The following EXT1 variants were observed in gnomAD, a reference collection of about 807,000 sequenced individuals.
EXT1 encodes exostosin glycosyltransferase 1.
EXT1 carries 20 observed loss-of-function variants against 82.5 expected under a neutral mutation model. The ratio of observed to expected loss-of-function variants is 0.24; its 90% CI spans 0.17 to 0.35. EXT1 has a LOEUF of 0.35. Ranked by LOEUF, EXT1 falls within the 10% of genes least tolerant of loss-of-function variation. The pLI is 1.00. For missense variants in EXT1, 757 were observed against 936.5 expected, an observed-to-expected ratio of 0.81 and a Z score of 2.50; for synonymous variants, 348 against 350.8, an observed-to-expected ratio of 0.99 and a Z score of 0.09.
intron 1 of EXT1, among the ~76,000 whole-genome samples, chr8:117,986,841 G>A (rs536860743): frequency 5.3e-5 from 8 of 152,272 alleles, no homozygotes; most frequent in Non-Finnish European, 8.8e-5. Flanking sequence ...TGCTCATGTT[G>A]AGTATAAAAC....
intron 7 of EXT1, 83 bp from the exon 8 acceptor site, chr8:117,813,044 C>A: frequency 9.3e-7 from 1 of 1,075,380 alleles, no homozygotes; most frequent in East Asian, 2.6e-5. Context: ...ACAATTCTCC[C>A]ATCCTCACCT....
At chr8:117,802,736 C>T (rs1310775330) in intron 10 of EXT1, among the ~76,000 whole-genome samples, 2 of 152,090 alleles carry the variant, frequency 1.3e-5, no homozygotes, top group African/African-American at 2.4e-5. Flanking sequence ...TGCTTGAATT[C>T]GAATATTCTC....
chr8:117,947,560 T>TC (rs974743942), intron 1 of EXT1, among the ~76,000 whole-genome samples: 28 of 152,166 alleles, frequency 1.8e-4, no homozygotes, highest in African/African-American at 6.5e-4. Flanking sequence ...CACTTTAGGG[T>TC]CCTTCACAAT....
intron 1 of EXT1, among the ~76,000 whole-genome samples, chr8:117,919,465 C>G (rs1471134716): frequency 6.6e-6 from 1 of 151,688 alleles, no homozygotes; most frequent in Non-Finnish European, 1.5e-5. Context: ...GCAGGAATTA[C>G]AGCCATGAGC....
At chr8:117,868,805 C>T (rs914846824) in intron 1 of EXT1, among the ~76,000 whole-genome samples, 11 of 152,124 alleles carry the variant, frequency 7.2e-5, no homozygotes, top group South Asian at 2.1e-4. Context: ...CACATCCTCA[C>T]GACCAAGGGG....
intron 1 of EXT1, among the ~76,000 whole-genome samples, chr8:117,838,765 G>C (rs1470122732): frequency 6.6e-6 from 1 of 152,030 alleles, no homozygotes; most frequent in Non-Finnish European, 1.5e-5. Flanking sequence ...AGATGGAGCA[G>C]AGAGAAATAT....
In EXT1 at chr8:117,836,999, G is replaced by C. The variant is rs943371740; in HGVS notation, c.1056+109C>G. ...TTGAAAATATTTTCAGATCCTCAAG[G>C]GAAACCACACCTTCTCTTTAGCTAT... On this transcript the variant is annotated intron_variant, in intron 2 of 10. Coordinates refer to ENST00000378204, the MANE Select transcript of EXT1 (RefSeq NM_000127.3). 55 of 805,020 alleles carry C rather than the reference G, an allele frequency of 6.8e-5. No homozygotes were observed. In the African/African-American group the frequency reaches 8.8e-4, roughly 13 times the overall value. 49.9% of individuals were successfully genotyped at this position (805,020 alleles called of 1,614,324 possible).
intron 1 of EXT1, among the ~76,000 whole-genome samples, chr8:117,961,269 A>G (rs1814693957): frequency 6.6e-6 from 1 of 152,112 alleles, no homozygotes; most frequent in South Asian, 2.1e-4. Context: ...CTCAGCCTCC[A>G]GAACAGCTGG....
chr8:118,045,167 G>T (rs1010209101), intron 1 of EXT1, among the ~76,000 whole-genome samples: 2 of 152,146 alleles, frequency 1.3e-5, no homozygotes, highest in Non-Finnish European at 2.9e-5. Flanking sequence ...TCTGAATTCT[G>T]AGTCGAGCCC....
chr8:117,841,976 C>T (rs1812282089), intron 1 of EXT1, among the ~76,000 whole-genome samples: 1 of 152,162 alleles, frequency 6.6e-6, no homozygotes, highest in Non-Finnish European at 1.5e-5. Flanking sequence ...ACATCTGCAT[C>T]ATCTGGGAAC....
At chr8:118,001,211 C>T (rs780901375) in intron 1 of EXT1, among the ~76,000 whole-genome samples, 2 of 152,056 alleles carry the variant, frequency 1.3e-5, no homozygotes, top group South Asian at 2.1e-4. Flanking sequence ...TTTTTTGAGA[C>T]GGTCTCGCTC....
intron 1 of EXT1, among the ~76,000 whole-genome samples, chr8:117,879,076 C>T (rs1367583667): frequency 6.6e-6 from 1 of 152,190 alleles, no homozygotes; most frequent in Non-Finnish European, 1.5e-5. Flanking sequence ...TTGGCCAAAG[C>T]AGATAATACA....
chr8:117,845,573 T>C (rs1034210461), intron 1 of EXT1, among the ~76,000 whole-genome samples: 2 of 150,954 alleles, frequency 1.3e-5, no homozygotes, highest in Non-Finnish European at 2.9e-5. Context: ...AAAAAATAAA[T>C]AAAAGATAGC....
intron 1 of EXT1, among the ~76,000 whole-genome samples, chr8:117,968,545 A>ATTT (rs1814870229): frequency 4.1e-5 from 3 of 73,052 alleles, no homozygotes; most frequent in Non-Finnish European, 4.6e-5. Flanking sequence ...TTATTTATTT[A>ATTT]TTTATTTATT....
intron 1 of EXT1, among the ~76,000 whole-genome samples, chr8:118,070,000 G>T (rs1817059481): frequency 6.6e-6 from 1 of 152,028 alleles, no homozygotes; most frequent in Admixed American, 6.6e-5. Context: ...AAGCAGAAAA[G>T]GTGATTATTT....
intron 1 of EXT1, among the ~76,000 whole-genome samples, chr8:117,962,198 A>C (rs1814713756): frequency 2.0e-5 from 3 of 152,222 alleles, no homozygotes. Flanking sequence ...CAGACTACCC[A>C]GTGGCTATAG....
intron 1 of EXT1, among the ~76,000 whole-genome samples, chr8:118,023,523 G>A (rs746794618): frequency 1.3e-5 from 2 of 152,132 alleles, no homozygotes; most frequent in Admixed American, 6.5e-5. Context: ...AATATAAACT[G>A]ACAGCCTTCC....
At chr8:117,895,087 G>A (rs549292188) in intron 1 of EXT1, among the ~76,000 whole-genome samples, 2 of 152,094 alleles carry the variant, frequency 1.3e-5, no homozygotes, top group African/African-American at 2.4e-5. Flanking sequence ...CTGTCAATTC[G>A]ATCATGATGT....
chr8:117,984,437 A>G, intron 1 of EXT1, among the ~76,000 whole-genome samples: 1 of 131,972 alleles, frequency 7.6e-6, no homozygotes, highest in East Asian at 2.2e-4. Flanking sequence ...TCAAAAACAA[A>G]ACAAAACAAA....
Sources: allele counts gnomAD v4.1 joint callset (sites outside exome capture counted in the v4.1 genomes callset), GRCh38; gene constraint gnomAD v4.1.1; transcripts MANE v1.5; gene names NCBI Gene and HGNC (gene_info 2026-07-23, HGNC 2026-07-21).